The following ARHGEF4 variants were observed in gnomAD, a reference collection of about 807,000 sequenced individuals.
ARHGEF4 encodes the protein APC-stimulated guanine nucleotide exchange factor 1.
A neutral mutation model predicts 162.0 loss-of-function variants in ARHGEF4; 119 were observed. The ratio of observed to expected loss-of-function variants is 0.73; its 90% CI spans 0.63 to 0.86. The LOEUF is 0.86. Ranked by LOEUF, ARHGEF4 falls within the 40% of genes least tolerant of loss-of-function variation. The pLI, the probability that ARHGEF4 is intolerant of heterozygous loss-of-function variation, is 0.00. For synonymous variants in ARHGEF4, 1,014 were observed against 979.9 expected (o/e 1.03, Z -0.65); for missense variants, 2,488 against 2,456.0 (o/e 1.01, Z -0.28).
chr2:130,963,703 G>A (rs1350182493), intron 4 of ARHGEF4: 1 of 146,216 alleles, frequency 6.8e-6, no homozygotes, highest in Non-Finnish European at 1.5e-5. Context: ...ACCCGCACTG[G>A]GGTCGCCGTT....
At position 131,040,053 on chromosome 2, in the gene ARHGEF4, C is replaced by T. The variant is rs748787186; in HGVS notation, c.4343C>T (p.Ala1448Val). ...VNQDEPADDD[A>V]PLAGNSGAED... ...CAGGACGAGCCCGCGGATGACGACG[C>T]CCCTCTGGCCGGGAACAGCGGAGCG... The change falls in exon 7 of 14, where the codon GCC becomes GTC. Residue 1448 changes from alanine (A) to valine (V), a missense_variant. Ala to Val is a moderately conservative substitution (Grantham distance 64, BLOSUM62 0). Transcript: ENST00000409359. 5.0e-6 allele frequency: 8 copies of T among 1,584,350 alleles called. No individual in the cohort carries two copies. The African/African-American group carries it at 8.1e-5, about 16-fold the overall frequency.
chr2:130,906,092 C>T (rs1052655528), intron 1 of ARHGEF4, among the ~76,000 whole-genome samples: 5 of 152,190 alleles, frequency 3.3e-5, no homozygotes, highest in African/African-American at 1.2e-4. Context: ...TTCAGGAGCT[C>T]CCATCCTTAT....
At chr2:130,870,524 A>G (rs56317308) in intron 1 of ARHGEF4, among the ~76,000 whole-genome samples, 7,012 of 152,040 alleles carry the variant, frequency 0.046, 238 homozygotes, top group East Asian at 0.1. Context: ...TGCGGCCCTC[A>G]TTTTCCTGCA....
Position 130,917,024 on chromosome 2 carries a change from T to C in ARHGEF4, c.3078T>C (p.Ser1026=), listed in dbSNP as rs1241826685. ...SLVSPEHRRK[S]EPTIKCTATQ... ...TTTCTCCAGAACACAGGAGGAAAAG[T>C]GAACCGACCATCAAGTGCACAGCCA... Residue 1026 remains serine (S), a synonymous_variant, in exon 2 of 14, where the codon AGT becomes AGC. Coordinates refer to ENST00000409359, the MANE Select transcript of ARHGEF4 (RefSeq NM_001367493.1). 1 of 1,550,840 alleles carries C rather than the reference T, an allele frequency of 6.4e-7. No individual in the cohort carries two copies. The highest frequency in any genetic ancestry group is 2.0e-5 in the Admixed American group (1 of 50,998).
Position 130,915,385 on chromosome 2 carries a change from C to A in ARHGEF4, c.1439C>A (p.Pro480Gln). The stretch of plus-strand genomic sequence containing the variant: ...GAACCCCAAGGCACCCAACTCGCAC[C>A]AAGAGCTGCTGATGAGAGAGAGACA... ...TQEPQGTQLA[P>Q]RAADERETQK... The change falls in exon 2 of 14, where the codon CCA (proline) becomes CAA (glutamine). Residue 480 changes from proline to glutamine, a missense_variant. Physicochemically the swap from Pro to Gln is moderately conservative, Grantham distance 76. Coordinates refer to ENST00000409359, the MANE Select transcript of ARHGEF4 (RefSeq NM_001367493.1). 6.4e-7 allele frequency: 1 copy of A among 1,550,650 alleles called. No individual in the cohort carries two copies. Among genetic ancestry groups the A allele is most frequent in the Non-Finnish European group, 8.7e-7 (1 of 1,147,020 alleles).
chr2:131,029,694 C>T (rs1573658038), intron 5 of ARHGEF4, among the ~76,000 whole-genome samples: 1 of 152,134 alleles, frequency 6.6e-6, no homozygotes. Context: ...GCTGGGATTA[C>T]AGGCGCCCGC....
intron 3 of ARHGEF4, among the ~76,000 whole-genome samples, chr2:130,933,130 A>G (rs1574255705): frequency 2.0e-5 from 3 of 151,886 alleles, no homozygotes. Context: ...TGGGAGAATC[A>G]CTTGAACCTG....
chr2:130,940,690 G>T (rs1421672551), intron 3 of ARHGEF4, among the ~76,000 whole-genome samples: 1 of 150,496 alleles, frequency 6.6e-6, no homozygotes, highest in African/African-American at 2.4e-5. Flanking sequence ...AATTAGCCGG[G>T]CGTGGTGGCG....
At chr2:130,868,669 T>G (rs1409359972) in intron 1 of ARHGEF4, among the ~76,000 whole-genome samples, 1 of 152,170 alleles carries the variant, frequency 6.6e-6, no homozygotes, top group Non-Finnish European at 1.5e-5. Flanking sequence ...TGGTCAGATT[T>G]TGTTGCAATT....
chr2:131,003,427 G>A (rs559704588), intron 4 of ARHGEF4, among the ~76,000 whole-genome samples: 1 of 152,196 alleles, frequency 6.6e-6, no homozygotes, highest in Non-Finnish European at 1.5e-5. Context: ...CATTTCTGCA[G>A]TATTCCCTGA....
chr2:131,024,047 C>T (rs1348361982), intron 4 of ARHGEF4, among the ~76,000 whole-genome samples: 1 of 152,162 alleles, frequency 6.6e-6, no homozygotes, highest in Admixed American at 6.5e-5. Context: ...ACAGGTTGCT[C>T]TGGTGGCTGT....
At chr2:131,027,491 A>G (rs1177270576) in intron 4 of ARHGEF4, among the ~76,000 whole-genome samples, 2 of 152,230 alleles carry the variant, frequency 1.3e-5, no homozygotes, top group African/African-American at 4.8e-5. Flanking sequence ...GATGGGTATC[A>G]GGACTGTTCA....
At chr2:130,973,813 A>G (rs2105227824) in intron 4 of ARHGEF4, among the ~76,000 whole-genome samples, 1 of 152,308 alleles carries the variant, frequency 6.6e-6, no homozygotes, top group East Asian at 1.9e-4. Context: ...TTTTGTCTGC[A>G]AGGTGAGAGA....
intron 13 of ARHGEF4, 94 bp from the exon 14 acceptor site, chr2:131,045,944 C>T: frequency 1.3e-6 from 2 of 1,511,948 alleles, no homozygotes; most frequent in Non-Finnish European, 1.8e-6. Context: ...GGCTCTGAAG[C>T]AGAGCCCTGG....
intron 3 of ARHGEF4, among the ~76,000 whole-genome samples, chr2:130,931,937 G>A (rs1682657485): frequency 6.6e-6 from 1 of 152,104 alleles, no homozygotes; most frequent in Admixed American, 6.5e-5. Context: ...ACATAATGTA[G>A]AATTAACCAT....
intron 1 of ARHGEF4, among the ~76,000 whole-genome samples, chr2:130,837,268 C>T (rs890639538): frequency 6.6e-6 from 1 of 152,090 alleles, no homozygotes; most frequent in Non-Finnish European, 1.5e-5. Context: ...AGGGCAAGGG[C>T]GAGCGCCTGA....
chr2:130,953,241 G>C (rs1057428959), intron 4 of ARHGEF4, among the ~76,000 whole-genome samples: 1 of 152,092 alleles, frequency 6.6e-6, no homozygotes, highest in African/African-American at 2.4e-5. Context: ...AGAGGCCTCA[G>C]AAATAACACC....
At chr2:130,881,575 C>G (rs1300667961) in intron 1 of ARHGEF4, among the ~76,000 whole-genome samples, 1 of 151,130 alleles carries the variant, frequency 6.6e-6, no homozygotes, top group Non-Finnish European at 1.5e-5. Context: ...TCTGCCCTTG[C>G]TGGTGGGAGT....
rs13005593 is a variant in ARHGEF4, at chr2:131,027,089, G to T, written c.3986-856G>T. Among the ~76,000 whole-genome samples, 265 of 152,230 alleles carry T rather than the reference G, an allele frequency of 1.7e-3. 2 individuals carry two copies. Among genetic ancestry groups the T allele is most frequent in the African/African-American group, 5.9e-3 (247 of 41,524 alleles). Reference sequence around the variant, plus strand: ...CAATGTCCTAGAGAAACCCTCCAACGCATGCCCAGGAGGCATGCAGACACT... The same window carrying T: ...CAATGTCCTAGAGAAACCCTCCAACTCATGCCCAGGAGGCATGCAGACACT... On this transcript the variant is annotated intron_variant, in intron 4 of 13. Coordinates refer to ENST00000409359, the MANE Select transcript of ARHGEF4 (RefSeq NM_001367493.1).
Sources: allele counts gnomAD v4.1 joint callset (sites outside exome capture counted in the v4.1 genomes callset), GRCh38; gene constraint gnomAD v4.1.1; transcripts MANE v1.5; gene names NCBI Gene and HGNC (gene_info 2026-07-23, HGNC 2026-07-21).